PPP6C: variants seen among roughly 807,000 people sequenced by gnomAD.
PPP6C encodes serine/threonine-protein phosphatase 6 catalytic subunit.
PPP6C carries 11 observed loss-of-function variants against 39.8 expected under a neutral mutation model. The ratio of observed to expected loss-of-function variants is 0.28; its 90% CI spans 0.17 to 0.46. PPP6C has a LOEUF of 0.46. PPP6C is among the 20% of genes least tolerant of loss of function. The probability of loss-of-function intolerance (pLI) is 1.00; values close to 1 mark genes in which losing one functional copy is unlikely to be tolerated. For synonymous variants in PPP6C, 129 were observed against 130.3 expected, an observed-to-expected ratio of 0.99 and a Z score of 0.07; for missense variants, 211 against 373.9, an observed-to-expected ratio of 0.56 and a Z score of 3.59.
intron 2 of PPP6C, among the ~76,000 whole-genome samples, chr9:125,165,904 C>T (rs1829002830): frequency 6.8e-6 from 1 of 146,108 alleles, no homozygotes. Flanking sequence ...TCAAGCAATT[C>T]TCATGCCTCA....
In PPP6C at chr9:125,149,850, C is replaced by T; in HGVS notation, c.741G>A (p.Met247Ile). 1 of 1,614,180 alleles carries T rather than the reference C, an allele frequency of 6.2e-7. No homozygotes were observed. Among genetic ancestry groups the T allele is most frequent in the Non-Finnish European group, 8.5e-7 (1 of 1,180,022 alleles). The change falls in exon 7 of 7, where the codon ATG becomes ATA. Residue 247 changes from methionine (M) to isoleucine (I), a missense_variant. This residue lies in a region of PPP6C where 168 missense variants were observed against 342.6 expected (regional missense o/e 0.49). Transcript: ENST00000373547. ...HQLVHEGYKF[M>I]FDEKLVTVWS... ...ATACTGTCACCAGCTTCTCATCAAA[C>T]ATAAATTTATAGCCTTCGTGCACTA...
intron 2 of PPP6C, among the ~76,000 whole-genome samples, chr9:125,167,379 C>CAAAAAAAAAAAAAAAAA (rs758123351): frequency 1.5e-3 from 83 of 55,934 alleles, no homozygotes; most frequent in East Asian, 2.2e-3. Flanking sequence ...AGACCCTGTC[C>CAAAAAAAAAAAAAAAAA]AAAAAAAAAA....
At chr9:125,157,759 C>G (rs937864247) in intron 4 of PPP6C, among the ~76,000 whole-genome samples, 1 of 147,140 alleles carries the variant, frequency 6.8e-6, no homozygotes, top group Non-Finnish European at 1.5e-5. Flanking sequence ...GGCATGATCT[C>G]GGCTCACCAC....
intron 6 of PPP6C, chr9:125,151,734 C>A: frequency 2.6e-6 from 1 of 388,710 alleles, no homozygotes; most frequent in South Asian, 2.3e-5. Flanking sequence ...CTGAGCTTAT[C>A]CGAAATGAAG....
rs1835870612 is a variant in PPP6C at position 125,148,925 on chromosome 9, T to G, written c.*748A>C. On this transcript the variant is annotated 3_prime_UTR_variant, in exon 7 of 7. Coordinates refer to ENST00000373547, the MANE Select transcript of PPP6C (RefSeq NM_002721.5). ...TAACCAAAGGGTCAAGAACTCTGAT[T>G]AGGAAAAAAGAAAAGATAACTTTAC... 1 of 152,290 alleles carries G rather than the reference T, an allele frequency of 6.6e-6. No individual in the cohort carries two copies. The highest frequency in any genetic ancestry group is 2.1e-4 in the South Asian group (1 of 4,818). 9.4% of individuals were successfully genotyped at this position (152,290 alleles called of 1,614,324 possible).
At position 125,158,400 on chromosome 9, in the gene PPP6C, A is replaced by G; in HGVS notation, c.238-18T>C. On this transcript the variant is annotated intron_variant, in intron 3 of 6. Transcript: ENST00000373547. ...AAATCACCCTGTGAAGTAAAAGTTT[A>G]CAGTTACAAACAATACAATAGCCAC... The G allele has an allele frequency of 6.2e-7, 1 of 1,608,206 alleles. No homozygotes were observed. Among genetic ancestry groups the G allele is most frequent in the Non-Finnish European group, 8.5e-7 (1 of 1,176,216 alleles).
rs1222583128 is a variant in PPP6C, at chr9:125,148,549, C to G, written c.*1124G>C. 1 of 152,194 alleles carries G rather than the reference C, an allele frequency of 6.6e-6. No individual in the cohort carries two copies. Among genetic ancestry groups the G allele is most frequent in the Non-Finnish European group, 1.5e-5 (1 of 68,016 alleles). The allele number at this position is 152,194 out of a possible 1,614,324, so 9.4% of individuals were successfully genotyped here. On this transcript the variant is annotated 3_prime_UTR_variant, in exon 7 of 7. Coordinates refer to ENST00000373547, the MANE Select transcript of PPP6C (RefSeq NM_002721.5). ...ACTTTAAATAATCTGCTTCAGATTA[C>G]AGTTCACAAATACAAGAGTCCTAAC... is the stretch of plus-strand genomic sequence containing the variant.
chr9:125,174,484 G>C (rs1829252091), intron 1 of PPP6C, among the ~76,000 whole-genome samples: 1 of 150,188 alleles, frequency 6.7e-6, no homozygotes, highest in Non-Finnish European at 1.5e-5. Context: ...TCTTCTTTTT[G>C]GCCTGGAATC....
At chr9:125,163,848 CTT>C (rs1412720063) in intron 2 of PPP6C, among the ~76,000 whole-genome samples, 15 of 135,794 alleles carry the variant, frequency 1.1e-4, no homozygotes, top group East Asian at 2.1e-4. Context: ...TTGGGCAATT[CTT>C]TTTTTTTTTT....
At chr9:125,180,728 A>G (rs1240662627) in intron 1 of PPP6C, among the ~76,000 whole-genome samples, 1 of 152,152 alleles carries the variant, frequency 6.6e-6, no homozygotes, top group East Asian at 1.9e-4. Context: ...GCCGGTTCCC[A>G]TATTTCAATG....
chr9:125,158,474 C>T, intron 3 of PPP6C, 92 bp from the exon 4 acceptor site: 1 of 1,274,598 alleles, frequency 7.8e-7, no homozygotes, highest in Non-Finnish European at 1.1e-6. Context: ...TAGTTTATAA[C>T]TACAATAAAG....
chr9:125,177,030 A>T (rs1030540553), intron 1 of PPP6C, among the ~76,000 whole-genome samples: 8 of 152,170 alleles, frequency 5.3e-5, no homozygotes, highest in Non-Finnish European at 1.0e-4. Flanking sequence ...CTGTAAATAG[A>T]CTATTTTTTA....
chr9:125,167,424 G>C (rs1191905859), intron 2 of PPP6C, among the ~76,000 whole-genome samples: 1 of 146,944 alleles, frequency 6.8e-6, no homozygotes, highest in Non-Finnish European at 1.5e-5. Context: ...GCCGGGCATG[G>C]TGACTCACGC....
chr9:125,189,055 G>A (rs1020219145), intron 1 of PPP6C: 4 of 802,934 alleles, frequency 5.0e-6, no homozygotes, highest in Admixed American at 2.4e-5. Flanking sequence ...ATTCACCTCT[G>A]AATTAGCAAA....
chr9:125,151,858 T>C (rs1228026027), intron 6 of PPP6C, among the ~76,000 whole-genome samples: 3 of 152,244 alleles, frequency 2.0e-5, no homozygotes, highest in African/African-American at 7.2e-5. Context: ...GTTACAAGAT[T>C]TCAGACTTTT....
chr9:125,161,104 A>G (rs992698996), intron 2 of PPP6C, among the ~76,000 whole-genome samples, 198 bp from the exon 3 acceptor site: 5 of 152,186 alleles, frequency 3.3e-5, no homozygotes, highest in African/African-American at 4.8e-5. Context: ...CAGTTACCAT[A>G]AAGTCACTCC....
chr9:125,186,474 A>G (rs1829531832), intron 1 of PPP6C, among the ~76,000 whole-genome samples: 1 of 152,092 alleles, frequency 6.6e-6, no homozygotes, highest in Non-Finnish European at 1.5e-5. Context: ...GGCCAAGTAT[A>G]GTGGCTCATG....
intron 4 of PPP6C, 132 bp from the exon 5 acceptor site, chr9:125,154,117 T>A: frequency 1.5e-6 from 1 of 682,742 alleles, no homozygotes; most frequent in Non-Finnish European, 2.5e-6. Flanking sequence ...GACACATATT[T>A]AGTCCTGCTA....
At chr9:125,169,734 A>G (rs1250467875) in intron 2 of PPP6C, among the ~76,000 whole-genome samples, 2 of 152,244 alleles carry the variant, frequency 1.3e-5, no homozygotes, top group South Asian at 2.1e-4. Context: ...GAGAAGTTAC[A>G]TGGAAATTTT....
Sources: gnomAD v4.1 joint callset for allele counts (sites outside exome capture counted in the v4.1 genomes callset) on GRCh38, gnomAD v4.1.1 for gene constraint, gnomAD v4.1.1 regional missense constraint, MANE v1.5 for transcripts, NCBI Gene and HGNC (gene_info 2026-07-23, HGNC 2026-07-21) for gene names.